Variants in ABLIM1 observed in about 807,000 individuals in gnomAD.
ABLIM1 encodes the protein actin-binding LIM protein 1.
In ABLIM1, 40 loss-of-function variants were observed where a neutral mutation model predicts 107.0. The observed-to-expected ratio is 0.37, with a 90% CI of 0.29 to 0.49. The LOEUF (loss-of-function observed/expected upper bound fraction) is 0.49, where lower values mean the gene tolerates loss of function less well. Ranked by LOEUF, ABLIM1 falls within the 20% of genes least tolerant of loss-of-function variation. The pLI, the probability that ABLIM1 is intolerant of heterozygous loss-of-function variation, is 0.97. For missense variants in ABLIM1, 857 were observed against 1,008.5 expected, an observed-to-expected ratio of 0.85 and a Z score of 2.04; for synonymous variants, 357 against 357.3, an observed-to-expected ratio of 1.00 and a Z score of 0.01.
intron 1 of ABLIM1, among the ~76,000 whole-genome samples, chr10:114,605,195 CAA>C (rs1214731481): frequency 6.6e-6 from 1 of 152,210 alleles, no homozygotes; most frequent in Non-Finnish European, 1.5e-5. Context: ...CATCCCAACT[CAA>C]GTCAGTGTCA....
chr10:114,578,789 T>TC (rs892961849), intron 2 of ABLIM1, among the ~76,000 whole-genome samples: 14 of 145,174 alleles, frequency 9.6e-5, no homozygotes, highest in South Asian at 2.2e-4. Flanking sequence ...TCTTTTCTTT[T>TC]TTTTTTTTTT....
intron 14 of ABLIM1, among the ~76,000 whole-genome samples, chr10:114,451,256 C>T (rs1384692890): frequency 6.6e-6 from 1 of 152,122 alleles, no homozygotes; most frequent in Non-Finnish European, 1.5e-5. Context: ...GGTTTTTCAC[C>T]AGTTTAAATT....
In ABLIM1 at chr10:114,558,220, C is replaced by A. The variant is rs570911915; in HGVS notation, c.674-10444G>T. On this transcript the variant is annotated intron_variant, in intron 4 of 22. Transcript: ENST00000533213. ...AGTACTGAGTGTTCCCCCGCCCCCCCATATCCACGACCAGGATGTGAACAG... is the reference window on the plus strand; with the variant it reads ...AGTACTGAGTGTTCCCCCGCCCCCCAATATCCACGACCAGGATGTGAACAG... Among the ~76,000 whole-genome samples, 7 of 152,236 alleles carry A rather than the reference C, an allele frequency of 4.6e-5. No individual in the cohort carries two copies. In the South Asian group the frequency reaches 1.5e-3, roughly 32 times the overall value.
chr10:114,713,860 A>C (rs1208385986), intron 1 of ABLIM1, among the ~76,000 whole-genome samples: 1 of 152,210 alleles, frequency 6.6e-6, no homozygotes, highest in East Asian at 1.9e-4. Context: ...CTCCTCACTC[A>C]AAAAATTTAC....
At chr10:114,793,951 C>T in the ABLIM1 span, among the ~76,000 whole-genome samples, 9 of 152,316 alleles carry the variant, frequency 5.9e-5, no homozygotes, top group Admixed American at 2.0e-4. Flanking sequence ...AGTTGGACTG[C>T]TTCTGCAGTT....
rs201915182 is a variant in ABLIM1 at position 114,724,334 on chromosome 10, G to C, written c.-213+43727C>G. On this transcript the variant is annotated intron_variant, in intron 1 of 15. Coordinates refer to the ABLIM1 transcript ENST00000651092. ...ACTGCGAGGATCAAGAGAGAATATA[G>C]ATGAAAGTATGAGCAAGACTACAAA... Among the ~76,000 whole-genome samples the C allele has an allele frequency of 7.2e-5, 11 of 152,260 alleles. No homozygotes were observed. The East Asian group carries it at 1.7e-3, about 24-fold the overall frequency.
In ABLIM1 at chr10:114,602,813, C is replaced by T. The variant is rs141481307; in HGVS notation, c.245-852G>A. 2.2e-4 allele frequency among the ~76,000 whole-genome samples: 33 copies of T among 152,270 alleles called. No homozygotes were observed. The East Asian group carries it at 5.8e-3, about 27-fold the overall frequency. Reference sequence around the variant, plus strand: ...AATACTCTTAGTTTCCAGAGTGTGGCCTTCAGAGACTAGAAGTTATTGTGA... The same window carrying T: ...AATACTCTTAGTTTCCAGAGTGTGGTCTTCAGAGACTAGAAGTTATTGTGA... On this transcript the variant is annotated intron_variant, in intron 1 of 22. Coordinates refer to ENST00000533213, the MANE Select transcript of ABLIM1 (RefSeq NM_002313.7).
At chr10:114,648,755 C>T (rs575038320) in intron 1 of ABLIM1, among the ~76,000 whole-genome samples, 40 of 152,226 alleles carry the variant, frequency 2.6e-4, no homozygotes, top group Admixed American at 1.7e-3. Context: ...TCTGAAGAAA[C>T]CACGGAAACA....
At chr10:114,572,875 C>T (rs187693781) in intron 3 of ABLIM1, among the ~76,000 whole-genome samples, 52 of 152,358 alleles carry the variant, frequency 3.4e-4, no homozygotes, top group African/African-American at 1.1e-3. Flanking sequence ...AAGAGGCACT[C>T]GTGCTCCGTG....
At chr10:114,657,399 C>T (rs1223043424) in intron 1 of ABLIM1, among the ~76,000 whole-genome samples, 2 of 152,224 alleles carry the variant, frequency 1.3e-5, no homozygotes, top group Non-Finnish European at 2.9e-5. Context: ...CCTTCTCCAC[C>T]TCTTTCCCAG....
intron 6 of ABLIM1, among the ~76,000 whole-genome samples, chr10:114,541,696 C>A (rs1309569727): frequency 6.6e-6 from 1 of 152,244 alleles, no homozygotes; most frequent in Non-Finnish European, 1.5e-5. Flanking sequence ...GTCTCCAAGT[C>A]TTAGGCCTCA....
At chr10:114,777,497 C>T in the ABLIM1 span, among the ~76,000 whole-genome samples, 2 of 152,280 alleles carry the variant, frequency 1.3e-5, no homozygotes, top group East Asian at 3.9e-4. Flanking sequence ...ATTTTAATTG[C>T]ATGCCAAACA....
chr10:114,466,640 G>A (rs7903720), intron 11 of ABLIM1, among the ~76,000 whole-genome samples: 58,414 of 151,932 alleles, frequency 0.38, 11,333 homozygotes, highest in Middle Eastern at 0.43. Flanking sequence ...TACTGTCTAC[G>A]ACATTGATCT....
At chr10:114,439,346 T>A in intron 20 of ABLIM1, 96 bp from the exon 21 acceptor site, 1 of 1,177,362 alleles carries the variant, frequency 8.5e-7, no homozygotes, top group Admixed American at 1.8e-5. Context: ...GGGTCTCCAA[T>A]CCTAACCACT....
chr10:114,431,750 A>G lies in ABLIM1; in HGVS notation c.*4510T>C, dbSNP rs1434111701. On this transcript the variant is annotated 3_prime_UTR_variant, in exon 23 of 23. Coordinates refer to ENST00000533213, the MANE Select transcript of ABLIM1 (RefSeq NM_002313.7). The stretch of plus-strand genomic sequence containing the variant: ...TTGGGAATAATTTTATTGAATAACA[A>G]CCACCACTCAATTACACTAAGCTTC... 6.6e-6 allele frequency: 1 copy of G among 152,174 alleles called. No individual in the cohort carries two copies. Among genetic ancestry groups the G allele is most frequent in the Non-Finnish European group, 1.5e-5 (1 of 68,034 alleles). The allele number at this position is 152,174 out of a possible 1,614,324, so 9.4% of individuals were successfully genotyped here. A position where few individuals can be genotyped will look rare whatever the true frequency, so the allele number is the denominator to read the frequency against.
chr10:114,520,699 GGTGCTTCATGCCTGTAATCCCA>G (rs1023057356), intron 6 of ABLIM1, among the ~76,000 whole-genome samples: 2 of 152,108 alleles, frequency 1.3e-5, no homozygotes, highest in African/African-American at 4.8e-5. Flanking sequence ...GGCTGGGTGT[GGTGCTTCATGCCTGTAATCCCA>G]GCACTTCAGG....
chr10:114,472,885 G>C, intron 10 of ABLIM1, 92 bp downstream of exon 10: 1 of 1,325,516 alleles, frequency 7.5e-7, no homozygotes, highest in Non-Finnish European at 1.0e-6. Flanking sequence ...AAGACCACCT[G>C]ATTTACCTGA....
chr10:114,536,227 GT>G (rs536435789), intron 6 of ABLIM1, among the ~76,000 whole-genome samples: 2 of 56,260 alleles, frequency 3.6e-5, no homozygotes, highest in African/African-American at 1.7e-4. Flanking sequence ...TTCTTTCTTT[GT>G]TTTTTTTTTT....
rs534642085 is a variant in ABLIM1, at chr10:114,629,456, C to A, written c.245-27495G>T. 2.0e-5 allele frequency among the ~76,000 whole-genome samples: 3 copies of A among 152,182 alleles called. No individual in the cohort carries two copies. Among genetic ancestry groups the A allele is most frequent in the Non-Finnish European group, 2.9e-5 (2 of 68,034 alleles). On this transcript the variant is annotated intron_variant, in intron 1 of 22. Coordinates refer to ENST00000533213, the MANE Select transcript of ABLIM1 (RefSeq NM_002313.7). The surrounding 1 kb of genome is among the most constrained non-coding windows in gnomAD (Gnocchi z 4.0). ...ATCAAGAAGGCACAGGTTCCTGTTC[C>A]TGCTCTGACAACGGGCCAACCTGTT...
Sources: allele counts gnomAD v4.1 joint callset (sites outside exome capture counted in the v4.1 genomes callset), GRCh38; gene constraint gnomAD v4.1.1; non-coding constraint Gnocchi (gnomAD v3.1); transcripts MANE v1.5; gene names NCBI Gene and HGNC (gene_info 2026-07-23, HGNC 2026-07-21).